The following FAAH2 variants were observed in gnomAD, a reference collection of about 807,000 sequenced individuals.
FAAH2 encodes fatty-acid amide hydrolase 2.
In FAAH2, 60 loss-of-function variants were observed where a neutral mutation model predicts 36.9. The ratio of observed to expected loss-of-function variants is 1.63; its 90% CI spans 1.32 to 2.02. The LOEUF (loss-of-function observed/expected upper bound fraction) is 2.02. Among genes scored for constraint, FAAH2 ranks in the 30% most tolerant of loss-of-function variants. The probability of loss-of-function intolerance (pLI) is 0.00; values close to 1 mark genes in which losing one functional copy is unlikely to be tolerated. For missense variants in FAAH2, 689 were observed against 397.5 expected (o/e 1.73, Z -6.23); for synonymous variants, 214 against 143.8 (o/e 1.49, Z -3.49).
the FAAH2 span, among the ~76,000 whole-genome samples, chrX:57,230,664 A>T: frequency 9.0e-6 from 1 of 111,444 alleles, no homozygotes; most frequent in Admixed American, 9.6e-5. Context: ...TATTAAACCC[A>T]TCCACTTAAT....
rs1219532061 is a variant in FAAH2, at chrX:57,466,152, C to CTATATATA, written c.1423+17435_1423+17436insATATATAT. Among the ~76,000 whole-genome samples, 316 of 66,700 alleles carry CTATATATA rather than the reference C, an allele frequency of 4.7e-3. 1 individual carries two copies. Among genetic ancestry groups the CTATATATA allele is most frequent in the African/African-American group, 0.013 (207 of 15,996 alleles). The allele number at this position is 66,700 out of a possible 115,157, so 57.9% of individuals were successfully genotyped here. On this transcript the variant is annotated intron_variant, in intron 10 of 10. Coordinates refer to ENST00000374900, the MANE Select transcript of FAAH2 (RefSeq NM_174912.4). ...TATCTCTCTCTCTCTCTCTCTCTCT[C>CTATATATA]TCTCTATATATATATATATATATAT... is the stretch of plus-strand genomic sequence containing the variant.
the FAAH2 span, among the ~76,000 whole-genome samples, chrX:57,203,856 C>T: frequency 9.9e-5 from 11 of 111,622 alleles, no homozygotes; most frequent in African/African-American, 3.6e-4. Flanking sequence ...CTTTTTTATT[C>T]TTTCCCAAAT....
At chrX:57,262,417 C>T in the FAAH2 span, among the ~76,000 whole-genome samples, 1 of 111,266 alleles carries the variant, frequency 9.0e-6, no homozygotes, top group Non-Finnish European at 1.9e-5. Context: ...AAGACATTCA[C>T]CCAATATAAA....
At chrX:57,262,609 A>G in the FAAH2 span, among the ~76,000 whole-genome samples, 1 of 111,585 alleles carries the variant, frequency 9.0e-6, no homozygotes, top group Non-Finnish European at 1.9e-5. Context: ...TTTCTAACTA[A>G]TTGTATGAAG....
At chrX:57,437,614 T>C (rs2056436106) in intron 8 of FAAH2, among the ~76,000 whole-genome samples, 1 of 107,012 alleles carries the variant, frequency 9.3e-6, no homozygotes, top group South Asian at 3.9e-4. Flanking sequence ...AAATCAACAA[T>C]GCAATTCCAT....
intron 3 of FAAH2, among the ~76,000 whole-genome samples, chrX:57,323,399 G>A (rs1051385115): frequency 6.3e-5 from 7 of 111,562 alleles, no homozygotes; most frequent in Non-Finnish European, 1.1e-4. Flanking sequence ...GATCCCTGAG[G>A]AATCACCACA....
intron 7 of FAAH2, among the ~76,000 whole-genome samples, chrX:57,385,711 C>T (rs1271464269): frequency 4.5e-5 from 5 of 111,674 alleles, no homozygotes; most frequent in Non-Finnish European, 7.5e-5. Context: ...CCAGGCCATC[C>T]TGGCTAACAC....
intron 5 of FAAH2, among the ~76,000 whole-genome samples, chrX:57,352,047 TGTGTATATATATATATATAC>T (rs1569283768): frequency 0.037 from 175 of 4,672 alleles, 20 homozygotes; most frequent in Non-Finnish European, 0.14. Flanking sequence ...CATATATATA[TGTGTATATATATATATATAC>T]ACATATATAT....
chrX:57,244,719 C>G, the FAAH2 span, among the ~76,000 whole-genome samples: 1 of 111,716 alleles, frequency 9.0e-6, no homozygotes, highest in African/African-American at 3.3e-5. Flanking sequence ...TCCAAGAACT[C>G]CTGAAGGAAG....
intron 2 of FAAH2, among the ~76,000 whole-genome samples, chrX:57,299,020 G>C (rs1274277665): frequency 9.0e-6 from 1 of 111,365 alleles, no homozygotes; most frequent in Non-Finnish European, 1.9e-5. Flanking sequence ...AATTCTACCA[G>C]AGGTACAAGG....
At chrX:57,135,688 A>T in the FAAH2 span, 1 of 1,095,242 alleles carries the variant, frequency 9.1e-7, no homozygotes. Flanking sequence ...GAGCAAAACA[A>T]CAGTTAATGC....
chrX:57,290,856 A>T (rs2051956063), intron 1 of FAAH2, among the ~76,000 whole-genome samples: 2 of 111,827 alleles, frequency 1.8e-5, no homozygotes, highest in Non-Finnish European at 3.8e-5. Flanking sequence ...GAATTTCCTG[A>T]TAATTTGCCA....
the FAAH2 span, among the ~76,000 whole-genome samples, chrX:57,139,853 C>T: frequency 9.0e-6 from 1 of 111,425 alleles, no homozygotes; most frequent in Non-Finnish European, 1.9e-5. Context: ...TTCTGTAGCT[C>T]CATATGAATT....
At chrX:57,365,200 C>G in intron 5 of FAAH2, among the ~76,000 whole-genome samples, 1 of 111,916 alleles carries the variant, frequency 8.9e-6, no homozygotes. Context: ...AGGTACTGGT[C>G]TTTCATTTCC....
chrX:57,393,066 C>T lies in FAAH2; in HGVS notation c.996+12037C>T, dbSNP rs746209526. The T allele has an allele frequency of 2.0e-4, 180 of 915,546 alleles. No homozygotes were observed. The African/African-American group carries it at 2.7e-3, about 14-fold the overall frequency. 75.5% of individuals were successfully genotyped at this position (915,546 alleles called of 1,213,427 possible). On this transcript the variant is annotated intron_variant, in intron 7 of 10. Coordinates refer to ENST00000374900, the MANE Select transcript of FAAH2 (RefSeq NM_174912.4). ...GACAGCCTGAGCCAGGGCTAAGGTA[C>T]CCTTGCCCCCTTCTGCCAGTGAGTG...
intron 5 of FAAH2, among the ~76,000 whole-genome samples, chrX:57,349,760 GACA>G (rs2053947955): frequency 9.3e-6 from 1 of 107,929 alleles, no homozygotes; most frequent in African/African-American, 3.3e-5. Context: ...AGATCTTTGG[GACA>G]ACATAAATCA....
chrX:57,214,751 A>C, the FAAH2 span, among the ~76,000 whole-genome samples: 1 of 111,684 alleles, frequency 9.0e-6, no homozygotes, highest in Non-Finnish European at 1.9e-5. Context: ...CATTGTTACT[A>C]TACAGAAAGT....
the FAAH2 span, among the ~76,000 whole-genome samples, chrX:57,160,632 G>A: frequency 3.6e-5 from 4 of 112,078 alleles, no homozygotes; most frequent in Non-Finnish European, 7.5e-5. Flanking sequence ...TTGCCTAGAG[G>A]TGTTTATAGT....
intron 7 of FAAH2, chrX:57,393,580 A>G (rs2055219474): frequency 6.6e-6 from 6 of 906,776 alleles, no homozygotes; most frequent in Non-Finnish European, 9.7e-6. Context: ...TCTGCATGAG[A>G]TTGGGCTTGA....
Sources: allele counts gnomAD v4.1 joint callset (sites outside exome capture counted in the v4.1 genomes callset), GRCh38; gene constraint gnomAD v4.1.1; transcripts MANE v1.5; gene names NCBI Gene and HGNC (gene_info 2026-07-23, HGNC 2026-07-21).